Variants in MCTP2 observed in about 807,000 individuals in gnomAD.
MCTP2 encodes the protein multiple C2 and transmembrane domain containing 2.
A neutral mutation model predicts 111.6 loss-of-function variants in MCTP2; 132 were observed. That is an observed-to-expected ratio of 1.18 (90% CI 1.03 to 1.37). MCTP2 has a LOEUF of 1.37. MCTP2 is among the 40% of genes most tolerant of loss of function. The pLI, the probability that MCTP2 is intolerant of heterozygous loss-of-function variation, is 0.00. For missense variants in MCTP2, 1,183 were observed against 1,067.9 expected (o/e 1.11, Z -1.50); for synonymous variants, 395 against 387.7 (o/e 1.02, Z -0.22).
chr15:94,429,015 C>G (rs944091765), intron 17 of MCTP2, among the ~76,000 whole-genome samples: 4 of 152,124 alleles, frequency 2.6e-5, no homozygotes, highest in Non-Finnish European at 4.4e-5. Flanking sequence ...AATTTCATAA[C>G]TTCTCTTCTG....
intron 1 of MCTP2, among the ~76,000 whole-genome samples, chr15:94,263,303 A>C (rs960224743): frequency 6.6e-6 from 1 of 152,210 alleles, no homozygotes; most frequent in East Asian, 1.9e-4. Context: ...GTTATGTTCT[A>C]TCAAGTCAAA....
chr15:94,245,250 A>ATG (rs2071761227), intron 1 of MCTP2, among the ~76,000 whole-genome samples: 1 of 141,282 alleles, frequency 7.1e-6, no homozygotes, highest in Non-Finnish European at 1.6e-5. Flanking sequence ...ATATACACAT[A>ATG]TGTATATATA....
In MCTP2 at chr15:94,261,543, G is replaced by A. The variant is rs547301652; in HGVS notation, c.-66+29879G>A. Among the ~76,000 whole-genome samples the A allele has an allele frequency of 3.9e-5, 6 of 152,200 alleles. No individual in the cohort carries two copies. In the East Asian group the frequency reaches 7.7e-4, roughly 20 times the overall value. ...TGCTTCTGAGTATTATATAAATTAC[G>A]TCTGTAACATGTGACTGAGTACCAG... On this transcript the variant is annotated intron_variant, in intron 1 of 22. Transcript: ENST00000357742.
intron 1 of MCTP2, among the ~76,000 whole-genome samples, chr15:94,272,739 T>TTC (rs2152300526): frequency 1.3e-5 from 2 of 151,928 alleles, no homozygotes; most frequent in East Asian, 3.9e-4. Flanking sequence ...TATTTTTTTT[T>TTC]CCCCTCTCTG....
At chr15:94,474,437 T>G (rs1322322424) in intron 21 of MCTP2, among the ~76,000 whole-genome samples, 1 of 152,196 alleles carries the variant, frequency 6.6e-6, no homozygotes, top group Non-Finnish European at 1.5e-5. Context: ...TATTCAAATA[T>G]TAATGTAAGA....
rs201086064 is a variant in MCTP2, at chr15:94,401,921, C to T, written c.1987C>T (p.Arg663Cys). 6.0e-5 allele frequency: 96 copies of T among 1,611,364 alleles called. No individual in the cohort carries two copies. The highest frequency in any genetic ancestry group is 5.0e-4 in the Middle Eastern group (3 of 6,048). Residue 663 changes from arginine (R) to cysteine (C), a missense_variant, in exon 17 of 23, where the codon CGT becomes TGT. By Grantham distance (180) the Arg-to-Cys change is radical. Coordinates refer to ENST00000357742, the MANE Select transcript of MCTP2 (RefSeq NM_001385001.1). The stretch of plus-strand genomic sequence containing the variant: ...TCAGATCTTATCAAGAGATGTGGAC[C>T]GTGTGAAAAGAATCACTATGGCAAT... Reference protein sequence around the residue: ...SKKILSRDVDRVKRITMAIWN... With the variant: ...SKKILSRDVDCVKRITMAIWN...
chr15:94,330,554 T>C (rs1180764741), intron 4 of MCTP2, among the ~76,000 whole-genome samples: 1 of 152,134 alleles, frequency 6.6e-6, no homozygotes, highest in Non-Finnish European at 1.5e-5. Flanking sequence ...CTTTTTATTG[T>C]AGTATTCTAG....
At chr15:94,264,243 T>G (rs2073372135) in intron 1 of MCTP2, among the ~76,000 whole-genome samples, 2 of 152,202 alleles carry the variant, frequency 1.3e-5, no homozygotes, top group Non-Finnish European at 2.9e-5. Context: ...AATCCTGCTC[T>G]ATCACTTACT....
At chr15:94,430,577 C>CAAAAAA (rs11289166) in intron 17 of MCTP2, among the ~76,000 whole-genome samples, 57 of 96,658 alleles carry the variant, frequency 5.9e-4, no homozygotes, top group Middle Eastern at 6.0e-3. Context: ...ACTAAAAATA[C>CAAAAAA]AAAAAAAAAA....
intron 17 of MCTP2, among the ~76,000 whole-genome samples, chr15:94,439,323 T>C (rs1026014902): frequency 6.6e-6 from 1 of 152,174 alleles, no homozygotes; most frequent in African/African-American, 2.4e-5. Context: ...GTTATAGCAG[T>C]GGTTTTTTTC....
chr15:94,440,764 C>T (rs991685074), intron 18 of MCTP2, among the ~76,000 whole-genome samples: 1 of 152,224 alleles, frequency 6.6e-6, no homozygotes, highest in African/African-American at 2.4e-5. Flanking sequence ...TGTCAACTCC[C>T]AGGGCAATCA....
chr15:94,334,713 CT>C lies in MCTP2; in HGVS notation c.638-4566del, dbSNP rs113211374. On this transcript the variant is annotated intron_variant, in intron 4 of 22. Transcript: ENST00000357742. ...ACCACAACCAGCTAATTTTTTGAAACTTTTTTTTTTTCGGTGGAGATGGGGG... is the reference window on the plus strand; with the variant it reads ...ACCACAACCAGCTAATTTTTTGAAACTTTTTTTTTTCGGTGGAGATGGGGG... Among the ~76,000 whole-genome samples the C allele has an allele frequency of 8.6e-3, 1,261 of 147,298 alleles. 15 individuals carry two copies. The highest frequency in any genetic ancestry group is 0.029 in the African/African-American group (1,173 of 40,274).
intron 19 of MCTP2, among the ~76,000 whole-genome samples, chr15:94,445,688 G>A (rs2084076238): frequency 6.6e-6 from 1 of 152,188 alleles, no homozygotes; most frequent in East Asian, 1.9e-4. Context: ...TGGAAGAAAG[G>A]TCTACTCACT....
chr15:94,321,990 A>G (rs12441544), intron 4 of MCTP2, among the ~76,000 whole-genome samples: 101,078 of 152,074 alleles, frequency 0.66, 36,679 homozygotes, highest in Middle Eastern at 0.83. Flanking sequence ...TTCACATCCA[A>G]TTGGCTGAGG....
At chr15:94,359,277 T>C (rs1157191440) in intron 10 of MCTP2, among the ~76,000 whole-genome samples, 5 of 152,218 alleles carry the variant, frequency 3.3e-5, no homozygotes, top group Non-Finnish European at 7.3e-5. Flanking sequence ...ACTGGTATCA[T>C]GCTCATTCTA....
chr15:94,247,391 G>A lies in MCTP2; in HGVS notation c.-66+15727G>A, dbSNP rs908026082. 3.9e-5 allele frequency among the ~76,000 whole-genome samples: 6 copies of A among 152,226 alleles called. No individual in the cohort carries two copies. In the East Asian group the frequency reaches 1.2e-3, roughly 29 times the overall value. On this transcript the variant is annotated intron_variant, in intron 1 of 22. Transcript: ENST00000357742. ...GCCTATTAAGATCCAAATGTTAATG[G>A]AAAGAGGGGACAGAGAGCTGGGCTT...
intron 7 of MCTP2, chr15:94,343,381 T>C (rs2077771091): frequency 6.6e-6 from 1 of 152,212 alleles, no homozygotes; most frequent in Non-Finnish European, 1.5e-5. Flanking sequence ...ATTTCCATTT[T>C]AATTTAAACT....
chr15:94,464,003 T>C (rs1284285409), intron 20 of MCTP2, among the ~76,000 whole-genome samples: 1 of 151,632 alleles, frequency 6.6e-6, no homozygotes, highest in Non-Finnish European at 1.5e-5. Context: ...TTTGCAGTTA[T>C]GATCATCAGT....
rs1324774971 is a variant in MCTP2, at chr15:94,244,240, G to A, written c.-66+12576G>A. ...CATATGTGTATATATTTATATACACGTGTATACACATATGTGTATATATTT... is the reference window on the plus strand; with the variant it reads ...CATATGTGTATATATTTATATACACATGTATACACATATGTGTATATATTT... On this transcript the variant is annotated intron_variant, in intron 1 of 22. Coordinates refer to ENST00000357742, the MANE Select transcript of MCTP2 (RefSeq NM_001385001.1). Among the ~76,000 whole-genome samples the A allele has an allele frequency of 4.1e-3, 416 of 101,534 alleles. 4 individuals are homozygous for A. The highest frequency in any genetic ancestry group is 0.016 in the African/African-American group (399 of 24,332). 66.6% of individuals were successfully genotyped at this position (101,534 alleles called of 152,430 possible). A position where few individuals can be genotyped will look rare whatever the true frequency, so the allele number is the denominator to read the frequency against.
Sources: gnomAD v4.1 joint callset for allele counts (sites outside exome capture counted in the v4.1 genomes callset) on GRCh38, gnomAD v4.1.1 for gene constraint, MANE v1.5 for transcripts, NCBI Gene and HGNC (gene_info 2026-07-23, HGNC 2026-07-21) for gene names.